Variants in LTBP1 observed in about 807,000 individuals in gnomAD.
LTBP1 encodes latent transforming growth factor beta binding protein 1.
In LTBP1, 129 loss-of-function variants were observed where a neutral mutation model predicts 207.6. The ratio of observed to expected loss-of-function variants is 0.62; its 90% CI spans 0.54 to 0.72. The LOEUF is 0.72. LTBP1 is among the 30% of genes least tolerant of loss of function. LTBP1 has a pLI of 0.00. For synonymous variants in LTBP1, 963 were observed against 833.7 expected, an observed-to-expected ratio of 1.16 and a Z score of -2.67; for missense variants, 2,281 against 2,217.2, an observed-to-expected ratio of 1.03 and a Z score of -0.58.
At chr2:33,322,987 A>T (rs147743402) in intron 24 of LTBP1, among the ~76,000 whole-genome samples, 12 of 152,162 alleles carry the variant, frequency 7.9e-5, no homozygotes, top group African/African-American at 2.9e-4. Context: ...GGCCAGTGAG[A>T]TCGGGATTGT....
chr2:33,089,391 T>C (rs901449150), intron 3 of LTBP1, among the ~76,000 whole-genome samples: 12 of 152,032 alleles, frequency 7.9e-5, no homozygotes, highest in Non-Finnish European at 1.6e-4. Context: ...TTGAGTAGGG[T>C]GATATTGCCC....
intron 7 of LTBP1, among the ~76,000 whole-genome samples, chr2:33,208,707 C>A (rs1384693904): frequency 6.6e-6 from 1 of 152,102 alleles, no homozygotes; most frequent in Non-Finnish European, 1.5e-5. Context: ...AATCATAGAA[C>A]TTGGGCACTT....
chr2:33,256,168 G>A (rs2092844854), intron 11 of LTBP1, among the ~76,000 whole-genome samples: 1 of 151,928 alleles, frequency 6.6e-6, no homozygotes, highest in South Asian at 2.1e-4. Flanking sequence ...TGGCCTCTGG[G>A]TAGTTAAATG....
chr2:33,252,309 A>C (rs1030000230), intron 10 of LTBP1, among the ~76,000 whole-genome samples: 1 of 152,224 alleles, frequency 6.6e-6, no homozygotes, highest in South Asian at 2.1e-4. Context: ...AGTTATCTCT[A>C]CTGTGGTTAA....
intron 2 of LTBP1, among the ~76,000 whole-genome samples, chr2:32,976,370 C>T (rs529106067): frequency 1.2e-4 from 18 of 152,228 alleles, no homozygotes; most frequent in African/African-American, 3.6e-4. Context: ...GCTGCAGTGG[C>T]GCAGTGGGGT....
chr2:33,285,035 C>CTTTTTT (rs934497674), intron 19 of LTBP1, among the ~76,000 whole-genome samples: 8 of 120,124 alleles, frequency 6.7e-5, no homozygotes, highest in Non-Finnish European at 8.6e-5. Context: ...GTATCACATT[C>CTTTTTT]TTTTTTTTTT....
At chr2:33,075,945 A>G (rs2078058861) in intron 3 of LTBP1, among the ~76,000 whole-genome samples, 1 of 152,182 alleles carries the variant, frequency 6.6e-6, no homozygotes, top group African/African-American at 2.4e-5. Flanking sequence ...TATGTTGTTC[A>G]GCTATTATTT....
chr2:32,952,249 G>A (rs1677248146), intron 2 of LTBP1, among the ~76,000 whole-genome samples: 1 of 152,158 alleles, frequency 6.6e-6, no homozygotes, highest in Non-Finnish European at 1.5e-5. Context: ...ACCTTAAATT[G>A]CAAATCAGAG....
At chr2:33,354,153 G>A (rs1042861526) in intron 26 of LTBP1, among the ~76,000 whole-genome samples, 4 of 152,062 alleles carry the variant, frequency 2.6e-5, no homozygotes, top group South Asian at 2.1e-4. Context: ...GTGAGCCACC[G>A]CGCTCGGCCG....
chr2:33,099,890 C>G (rs1216894862), intron 3 of LTBP1, among the ~76,000 whole-genome samples: 1 of 152,166 alleles, frequency 6.6e-6, no homozygotes, highest in Non-Finnish European at 1.5e-5. Flanking sequence ...ACTACCTTTT[C>G]CATTCTTCTA....
At chr2:33,348,913 A>G (rs1042690752) in intron 26 of LTBP1, among the ~76,000 whole-genome samples, 7 of 152,154 alleles carry the variant, frequency 4.6e-5, no homozygotes, top group Non-Finnish European at 1.0e-4. Context: ...TCATGCCTCA[A>G]TTTGTATAGT....
At chr2:33,260,561 C>G (rs2092983151) in intron 13 of LTBP1, among the ~76,000 whole-genome samples, 1 of 152,052 alleles carries the variant, frequency 6.6e-6, no homozygotes, top group Admixed American at 6.6e-5. Flanking sequence ...GATAGAGTAA[C>G]ATATATGTCA....
chr2:33,284,502 C>G (rs963139622), intron 19 of LTBP1, among the ~76,000 whole-genome samples: 1 of 152,112 alleles, frequency 6.6e-6, no homozygotes, highest in Non-Finnish European at 1.5e-5. Flanking sequence ...TGACATTCAG[C>G]CTGGAGTTGC....
chr2:32,983,619 T>C (rs1482184870), intron 2 of LTBP1, among the ~76,000 whole-genome samples: 2 of 152,200 alleles, frequency 1.3e-5, no homozygotes, highest in African/African-American at 4.8e-5. Flanking sequence ...GGGAAGTAAT[T>C]GAATCACAGG....
chr2:33,135,028 A>C, intron 5 of LTBP1, 68 bp downstream of exon 5: 1 of 1,456,746 alleles, frequency 6.9e-7, no homozygotes, highest in East Asian at 2.5e-5. Context: ...GCATTTAGAC[A>C]CCCCCTCCAT....
intron 26 of LTBP1, among the ~76,000 whole-genome samples, chr2:33,351,450 A>G (rs774961570): frequency 6.6e-6 from 1 of 152,250 alleles, no homozygotes; most frequent in African/African-American, 2.4e-5. Flanking sequence ...CATTATTAAG[A>G]TAATACACAT....
intron 3 of LTBP1, among the ~76,000 whole-genome samples, chr2:33,053,538 T>C (rs540670137): frequency 2.6e-5 from 4 of 152,264 alleles, no homozygotes; most frequent in African/African-American, 9.6e-5. Context: ...CGGCGCCCAG[T>C]CTACTAGATG....
chr2:33,357,754 G>A (rs1406321936), intron 26 of LTBP1, among the ~76,000 whole-genome samples: 1 of 152,198 alleles, frequency 6.6e-6, no homozygotes. Flanking sequence ...TGAAAATACT[G>A]AAGGAGGAGT....
chr2:33,166,893 G>A (rs2084966224), intron 5 of LTBP1, among the ~76,000 whole-genome samples: 1 of 152,182 alleles, frequency 6.6e-6, no homozygotes, highest in Admixed American at 6.5e-5. Flanking sequence ...ATTTTAAGCA[G>A]TGTGCAGTAG....
Sources: gnomAD v4.1 joint callset for allele counts (sites outside exome capture counted in the v4.1 genomes callset) on GRCh38, gnomAD v4.1.1 for gene constraint, MANE v1.5 for transcripts, NCBI Gene and HGNC (gene_info 2026-07-23, HGNC 2026-07-21) for gene names.